Variants in TENT2 observed in about 807,000 individuals in gnomAD.
TENT2 encodes the protein poly(A) RNA polymerase GLD2.
TENT2 carries 44 observed loss-of-function variants against 72.2 expected under a neutral mutation model. The observed-to-expected ratio is 0.61, with a 90% CI of 0.48 to 0.78. The LOEUF (loss-of-function observed/expected upper bound fraction) is 0.78, where lower values mean the gene tolerates loss of function less well. Among genes scored for constraint, TENT2 ranks in the 30% least tolerant of loss-of-function variants. The pLI is 0.00. For missense variants in TENT2, 541 were observed against 569.6 expected (o/e 0.95, Z 0.51); for synonymous variants, 212 against 192.5 (o/e 1.10, Z -0.84).
chr5:79,627,070 CAG>C, intron 4 of TENT2, among the ~76,000 whole-genome samples: 2 of 149,870 alleles, frequency 1.3e-5, no homozygotes, highest in Admixed American at 1.3e-4. Flanking sequence ...GCGGAGGTTA[CAG>C]TGAGCCGAGA....
At position 79,681,305 on chromosome 5, in the gene TENT2, G is replaced by A. The variant is rs541267835; in HGVS notation, c.1301-677G>A. Among the ~76,000 whole-genome samples, 121 of 151,176 alleles carry A rather than the reference G, an allele frequency of 8.0e-4. 1 individual carries two copies. Among genetic ancestry groups the A allele is most frequent in the Admixed American group, 1.4e-3 (22 of 15,180 alleles). ...CTCCCGAGTAGCTGGGACTACAGGC[G>A]CGCACCACCATGCCCAGCTAATTTT... On this transcript the variant is annotated intron_variant, in intron 13 of 14. Transcript: ENST00000453514.
intron 4 of TENT2, among the ~76,000 whole-genome samples, chr5:79,636,759 A>T (rs1387491167): frequency 6.6e-6 from 1 of 152,086 alleles, no homozygotes; most frequent in African/African-American, 2.4e-5. Context: ...TTAGGTCTTT[A>T]GGTTCTCTCA....
intron 10 of TENT2, among the ~76,000 whole-genome samples, chr5:79,656,112 A>G (rs758302055): frequency 5.3e-5 from 8 of 151,962 alleles, no homozygotes; most frequent in Non-Finnish European, 1.0e-4. Flanking sequence ...TAAATTTGAA[A>G]ATGTATTACT....
At chr5:79,681,150 ATTTTTT>A (rs1158559796) in intron 13 of TENT2, among the ~76,000 whole-genome samples, 2 of 44,734 alleles carry the variant, frequency 4.5e-5, no homozygotes, top group African/African-American at 8.7e-5. Context: ...CTTTTCTTTG[ATTTTTT>A]TTTTTTTTTT....
At chr5:79,652,669 A>G (rs1488358033) in intron 10 of TENT2, among the ~76,000 whole-genome samples, 2 of 152,090 alleles carry the variant, frequency 1.3e-5, no homozygotes, top group African/African-American at 2.4e-5. Context: ...ATCTTAATAC[A>G]TGTATTTTTA....
At chr5:79,659,259 G>A (rs1800231135) in intron 11 of TENT2, among the ~76,000 whole-genome samples, 1 of 151,664 alleles carries the variant, frequency 6.6e-6, no homozygotes, top group Non-Finnish European at 1.5e-5. Flanking sequence ...AACCATCCGG[G>A]CGTGGTGGCT....
In TENT2 at chr5:79,687,256, C is replaced by G. The variant is rs183160782; in HGVS notation, c.*1983C>G. 3.3e-5 allele frequency among the ~76,000 whole-genome samples: 5 copies of G among 152,264 alleles called. No individual in the cohort carries two copies. The East Asian group carries it at 9.6e-4, about 29-fold the overall frequency. On this transcript the variant is annotated 3_prime_UTR_variant, in exon 15 of 15. Coordinates refer to ENST00000453514, the MANE Select transcript of TENT2 (RefSeq NM_001114394.3). ...ACTGGCCAAATATCAGATAAGTGAA[C>G]TGTTAATATATGAGAGAATTTTCTG...
chr5:79,673,322 T>G (rs1439507647), intron 12 of TENT2, among the ~76,000 whole-genome samples: 8 of 152,220 alleles, frequency 5.3e-5, no homozygotes, highest in African/African-American at 1.9e-4. Context: ...GTCCATTTGC[T>G]TTGGTTGCCT....
intron 12 of TENT2, 34 bp from the exon 13 acceptor site, chr5:79,679,545 A>G (rs751737394): frequency 4.2e-6 from 6 of 1,442,448 alleles, no homozygotes; most frequent in Non-Finnish European, 5.7e-6. Flanking sequence ...AATTATGAAA[A>G]TAGTTAACAT....
At chr5:79,620,104 T>G (rs1182283821) in intron 3 of TENT2, 21 bp downstream of exon 3, 3 of 1,510,614 alleles carry the variant, frequency 2.0e-6, no homozygotes, top group Middle Eastern at 3.9e-4. Flanking sequence ...CTTAATTATT[T>G]TAAAAGAATA....
chr5:79,652,740 T>C (rs1461951789), intron 10 of TENT2, among the ~76,000 whole-genome samples: 1 of 152,096 alleles, frequency 6.6e-6, no homozygotes, highest in African/African-American at 2.4e-5. Flanking sequence ...TAAAAAAATT[T>C]GAAACATATG....
intron 11 of TENT2, among the ~76,000 whole-genome samples, chr5:79,665,767 AG>A (rs1561562133): frequency 6.6e-6 from 1 of 152,130 alleles, no homozygotes; most frequent in Non-Finnish European, 1.5e-5. Flanking sequence ...TTTATTAAAG[AG>A]GTGGATGTTA....
At chr5:79,628,724 A>C (rs1208070706) in intron 4 of TENT2, among the ~76,000 whole-genome samples, 1 of 152,218 alleles carries the variant, frequency 6.6e-6, no homozygotes, top group Non-Finnish European at 1.5e-5. Flanking sequence ...AGAATCTACT[A>C]TAAAACATTT....
intron 12 of TENT2, among the ~76,000 whole-genome samples, chr5:79,673,445 A>G (rs1299731109): frequency 1.3e-5 from 2 of 151,718 alleles, no homozygotes; most frequent in Non-Finnish European, 1.5e-5. Context: ...TGAATTCTTC[A>G]ATCAATTTTG....
intron 11 of TENT2, among the ~76,000 whole-genome samples, chr5:79,668,254 A>G (rs1810075892): frequency 1.3e-5 from 2 of 151,968 alleles, no homozygotes; most frequent in Admixed American, 1.3e-4. Flanking sequence ...ATTATGGTAA[A>G]AGCTTGCTGA....
rs1393972983 is a variant in TENT2 at position 79,612,642 on chromosome 5, T to G, written c.-471T>G. On this transcript the variant is annotated 5_prime_UTR_variant, in exon 1 of 15. Coordinates refer to ENST00000453514, the MANE Select transcript of TENT2 (RefSeq NM_001114394.3). ...CCGGAGCCGGAGCTGGGCCTAGCTG[T>G]CCCACGGGCCACCACTACCTCCTTT... is the stretch of plus-strand genomic sequence containing the variant. 6.5e-6 allele frequency: 1 copy of G among 152,978 alleles called. No individual in the cohort carries two copies. The highest frequency in any genetic ancestry group is 1.5e-5 in the Non-Finnish European group (1 of 68,388). The allele number at this position is 152,978 out of a possible 1,614,324, so 9.5% of individuals were successfully genotyped here. A position where few individuals can be genotyped will look rare whatever the true frequency, so the allele number is the denominator to read the frequency against.
At chr5:79,633,114 A>G (rs1776862813) in intron 4 of TENT2, among the ~76,000 whole-genome samples, 1 of 152,188 alleles carries the variant, frequency 6.6e-6, no homozygotes, top group Admixed American at 6.5e-5. Context: ...GAATTGTTTA[A>G]TTTGATGGGA....
At chr5:79,615,582 A>G (rs927171918) in intron 1 of TENT2, among the ~76,000 whole-genome samples, 4 of 152,158 alleles carry the variant, frequency 2.6e-5, no homozygotes, top group Admixed American at 1.3e-4. Flanking sequence ...GTAGGATCCT[A>G]TGTTTTATGG....
Position 79,668,305 on chromosome 5 carries a change from C to T in TENT2, c.1072-587C>T, listed in dbSNP as rs572539247. ...ATGTTTCCTGTCTCATTTTCCCTGC[C>T]TTCTTTGTCTTTTCAAGCTTAATTC... On this transcript the variant is annotated intron_variant, in intron 11 of 14. Transcript: ENST00000453514. 7.8e-4 allele frequency among the ~76,000 whole-genome samples: 119 copies of T among 152,132 alleles called. 6 individuals carry two copies. In the South Asian group the frequency reaches 0.024, roughly 31 times the overall value.
Sources: gnomAD v4.1 joint callset for allele counts (sites outside exome capture counted in the v4.1 genomes callset) on GRCh38, gnomAD v4.1.1 for gene constraint, MANE v1.5 for transcripts, NCBI Gene and HGNC (gene_info 2026-07-23, HGNC 2026-07-21) for gene names.